The following HECW1 variants were observed in gnomAD, a reference collection of about 807,000 sequenced individuals.
The protein encoded by HECW1 is HECT, C2 and WW domain containing E3 ubiquitin protein ligase 1, also known as E3 ubiquitin-protein ligase HECW1.
HECW1 carries 61 observed loss-of-function variants against 182.3 expected under a neutral mutation model. That is an observed-to-expected ratio of 0.33 (90% CI 0.27 to 0.41). The LOEUF is 0.41. Among genes scored for constraint, HECW1 ranks in the 10% least tolerant of loss-of-function variants. The pLI, the probability that HECW1 is intolerant of heterozygous loss-of-function variation, is 1.00. For synonymous variants in HECW1, 859 were observed against 832.6 expected (o/e 1.03, Z -0.55); for missense variants, 1,739 against 2,108.9 (o/e 0.82, Z 3.44).
rs533293511 is a variant in HECW1 at position 43,500,242 on chromosome 7, G to A, written c.3438-457G>A. 9.2e-5 allele frequency among the ~76,000 whole-genome samples: 14 copies of A among 152,118 alleles called. No homozygotes were observed. The East Asian group carries it at 1.5e-3, about 17-fold the overall frequency. ...AGCATCCTGAATAGCTGGGATTACA[G>A]GCAGGCAACACCACACCTGGCTAAT... On this transcript the variant is annotated intron_variant, in intron 19 of 29. Transcript: ENST00000395891.
intron 2 of HECW1, among the ~76,000 whole-genome samples, chr7:43,120,546 A>G (rs1785493141): frequency 6.6e-6 from 1 of 152,200 alleles, no homozygotes. Context: ...TTGCTGACTG[A>G]CCGAATGATG....
intron 5 of HECW1, among the ~76,000 whole-genome samples, chr7:43,355,196 A>G (rs938718913): frequency 7.2e-5 from 11 of 152,194 alleles, no homozygotes. Context: ...TCTGAAAAAC[A>G]AAAACAAAAA....
At chr7:43,536,604 G>A (rs749280514) in intron 24 of HECW1, among the ~76,000 whole-genome samples, 6 of 152,208 alleles carry the variant, frequency 3.9e-5, no homozygotes, top group Admixed American at 2.6e-4. Context: ...GGAAACAGCA[G>A]AAAGCAGATT....
chr7:43,550,626 G>A (rs902388791), intron 27 of HECW1, 35 bp downstream of exon 27: 1 of 1,565,640 alleles, frequency 6.4e-7, no homozygotes, highest in Non-Finnish European at 8.6e-7. Flanking sequence ...GCAAGCTGTG[G>A]CCAGGGTGCT....
rs76643590 is a variant in HECW1 at position 43,266,127 on chromosome 7, C to T, written c.27+22195C>T. ...ATTGTTGGATCAGTCTCTACCCCTT[C>T]CCATTCTCCCAAGGTCAAGGGGCGG... On this transcript the variant is annotated intron_variant, in intron 3 of 29. Transcript: ENST00000395891. Among the ~76,000 whole-genome samples, 1,452 of 152,206 alleles carry T rather than the reference C, an allele frequency of 9.5e-3. 30 individuals are homozygous for T. Among genetic ancestry groups the T allele is most frequent in the African/African-American group, 0.033 (1,370 of 41,528 alleles).
intron 16 of HECW1, among the ~76,000 whole-genome samples, chr7:43,470,491 C>T (rs2077975581): frequency 6.6e-6 from 1 of 152,142 alleles, no homozygotes; most frequent in African/African-American, 2.4e-5. Context: ...GCAATAAGCC[C>T]TAGTTCTCCA....
chr7:43,294,962 C>T (rs547479310), intron 3 of HECW1, among the ~76,000 whole-genome samples: 1 of 152,060 alleles, frequency 6.6e-6, no homozygotes, highest in African/African-American at 2.4e-5. Context: ...GTAAGATGTA[C>T]ATTGATTCAG....
At chr7:43,553,719 A>C (rs1288713565) in intron 28 of HECW1, among the ~76,000 whole-genome samples, 4 of 148,660 alleles carry the variant, frequency 2.7e-5, no homozygotes, top group Non-Finnish European at 4.5e-5. Flanking sequence ...GCCCCATAAC[A>C]CCCCCCGGAA....
At chr7:43,327,002 G>C (rs1237837476) in intron 5 of HECW1, among the ~76,000 whole-genome samples, 1 of 152,208 alleles carries the variant, frequency 6.6e-6, no homozygotes, top group Non-Finnish European at 1.5e-5. Flanking sequence ...ATTTCAACTT[G>C]GGCATGTTTT....
At chr7:43,335,180 G>A (rs552072350) in intron 5 of HECW1, among the ~76,000 whole-genome samples, 7 of 152,160 alleles carry the variant, frequency 4.6e-5, no homozygotes, top group African/African-American at 1.7e-4. Context: ...GCAGAAAAAA[G>A]TAGTCAAAAT....
chr7:43,368,449 G>C (rs1019566918), intron 6 of HECW1, among the ~76,000 whole-genome samples: 1 of 152,168 alleles, frequency 6.6e-6, no homozygotes, highest in Admixed American at 6.5e-5. Flanking sequence ...TTCAGGTTTT[G>C]ATCAGACTAA....
chr7:43,405,829 A>G (rs557951116), intron 7 of HECW1, among the ~76,000 whole-genome samples: 4 of 152,176 alleles, frequency 2.6e-5, no homozygotes, highest in Non-Finnish European at 4.4e-5. Context: ...TCAGGCTGCT[A>G]TGTTAACTTC....
chr7:43,488,743 C>T (rs973424017), intron 17 of HECW1, among the ~76,000 whole-genome samples: 3 of 152,188 alleles, frequency 2.0e-5, no homozygotes, highest in Non-Finnish European at 2.9e-5. Context: ...TGGAGAAGGG[C>T]GTTTCCATCC....
At chr7:43,491,288 C>A (rs1361472867) in intron 17 of HECW1, among the ~76,000 whole-genome samples, 2 of 152,122 alleles carry the variant, frequency 1.3e-5, no homozygotes, top group Non-Finnish European at 2.9e-5. Context: ...TCCTCAGATT[C>A]CCTATTTGTA....
intron 24 of HECW1, among the ~76,000 whole-genome samples, chr7:43,540,605 A>G (rs4457234): frequency 0.16 from 24,293 of 152,182 alleles, 2,546 homozygotes; most frequent in Non-Finnish European, 0.24. Flanking sequence ...GTGGCTGGCA[A>G]TTTTAAAGAG....
chr7:43,480,820 C>T (rs1007957296), intron 17 of HECW1, among the ~76,000 whole-genome samples: 1 of 152,014 alleles, frequency 6.6e-6, no homozygotes, highest in African/African-American at 2.4e-5. Flanking sequence ...GATAACAATT[C>T]ACCCTGCAGC....
chr7:43,333,283 T>C (rs557507848), intron 5 of HECW1, among the ~76,000 whole-genome samples: 4 of 152,364 alleles, frequency 2.6e-5, no homozygotes, highest in South Asian at 2.1e-4. Flanking sequence ...GTCTTTCTCA[T>C]ATCCAGATGA....
intron 2 of HECW1, among the ~76,000 whole-genome samples, chr7:43,139,069 T>TAA: frequency 6.6e-6 from 1 of 152,316 alleles, no homozygotes; most frequent in East Asian, 1.9e-4. Context: ...CGTGCCATTT[T>TAA]AATTGGTGTT....
chr7:43,435,913 C>T (rs2076695145), intron 8 of HECW1, among the ~76,000 whole-genome samples: 1 of 152,058 alleles, frequency 6.6e-6, no homozygotes, highest in Admixed American at 6.5e-5. Context: ...GCCTGTAATC[C>T]CAGCACTTTG....
Sources: gnomAD v4.1 joint callset for allele counts (sites outside exome capture counted in the v4.1 genomes callset) on GRCh38, gnomAD v4.1.1 for gene constraint, MANE v1.5 for transcripts, NCBI Gene and HGNC (gene_info 2026-07-23, HGNC 2026-07-21) for gene names.